Variants in SIN3B observed in about 807,000 individuals in gnomAD.
SIN3B encodes the protein SIN3 transcription regulator family member B.
SIN3B carries 19 observed loss-of-function variants against 120.2 expected under a neutral mutation model. That is an observed-to-expected ratio of 0.16 (90% CI 0.11 to 0.23). SIN3B has a LOEUF of 0.23. Ranked by LOEUF, SIN3B falls within the 10% of genes least tolerant of loss-of-function variation. The pLI, the probability that SIN3B is intolerant of heterozygous loss-of-function variation, is 1.00. For synonymous variants in SIN3B, 654 were observed against 653.2 expected (o/e 1.00, Z -0.02); for missense variants, 1,073 against 1,573.0 (o/e 0.68, Z 5.38).
At position 16,876,510 on chromosome 19, in the gene SIN3B, C is replaced by T; in HGVS notation, c.2791C>T (p.Gln931Ter). The change falls in exon 16 of 19, where the codon CAG becomes TAG. Residue 931 changes from glutamine (Q) to a stop codon, truncating the protein, a stop_gained. Coordinates refer to ENST00000248054, the MANE Select transcript of SIN3B (RefSeq NM_001297595.2). LOFTEE classifies it high-confidence loss of function. This position sits in a 1 kb window ranked among gnomAD's most constrained non-coding sequence, Gnocchi z 7.1. ...GGTGATGTTCCTGCAGCGCAAAGGG[C>T]AGGTGATCATGACCATCGAGCTCCT... is the stretch of plus-strand genomic sequence containing the variant. ...FKVMFLQRKG[Q>*]VIMTIELLDT... The T allele has an allele frequency of 6.2e-7, 1 of 1,613,404 alleles. No individual in the cohort carries two copies. The highest frequency in any genetic ancestry group is 8.5e-7 in the Non-Finnish European group (1 of 1,179,902).
In SIN3B at chr19:16,853,130, C is replaced by T. The variant is rs1971566922; in HGVS notation, c.911C>T (p.Thr304Ile). 1 of 1,614,074 alleles carries T rather than the reference C, an allele frequency of 6.2e-7. No individual in the cohort carries two copies. The highest frequency in any genetic ancestry group is 1.3e-5 in the African/African-American group (1 of 74,944). The change falls in exon 7 of 19, where the codon ACT (threonine) becomes ATT (isoleucine). Residue 304 changes from threonine to isoleucine, a missense_variant. Thr to Ile is a moderately conservative substitution (Grantham distance 89). Transcript: ENST00000248054. ...LSIAAVGKYG[T>I]LQEFSFFDKV... ...ATCGCTGCAGTGGGGAAGTACGGGA[C>T]TCTGCAGGAATTTTCTTTCTTTGAC...
rs753556243 is a variant in SIN3B, at chr19:16,876,280, C to T, written c.2766+52C>T. The T allele has an allele frequency of 1.3e-6, 2 of 1,566,230 alleles. No homozygotes were observed. The highest frequency in any genetic ancestry group is 8.7e-7 in the Non-Finnish European group (1 of 1,152,086). ...ACGCCGGGAGGCCCGGCCGCTCACT[C>T]CGCTCTGGACTCAGTCCTGGGTGGA... On this transcript the variant is annotated intron_variant, in intron 15 of 18. Transcript: ENST00000248054. The surrounding 1 kb of genome is among the most constrained non-coding windows in gnomAD (Gnocchi z 7.1).
chr19:16,867,235 G>A (rs776845776), intron 12 of SIN3B, among the ~76,000 whole-genome samples: 12 of 152,152 alleles, frequency 7.9e-5, no homozygotes, highest in Admixed American at 5.9e-4. Flanking sequence ...ACTCTGCTGC[G>A]GCATTATTCT....
intron 3 of SIN3B, among the ~76,000 whole-genome samples, chr19:16,836,392 C>T (rs1304068733): frequency 6.6e-6 from 1 of 152,150 alleles, no homozygotes; most frequent in African/African-American, 2.4e-5. Flanking sequence ...CCTTGGCCTC[C>T]TGAGTCAGCA....
chr19:16,842,323 G>C (rs1250404015), intron 4 of SIN3B, among the ~76,000 whole-genome samples: 1 of 151,296 alleles, frequency 6.6e-6, no homozygotes, highest in Non-Finnish European at 1.5e-5. Context: ...GGCTGGTCTT[G>C]AACTCCTGAA....
intron 14 of SIN3B, 39 bp downstream of exon 14, chr19:16,871,437 G>A (rs771365509): frequency 3.2e-6 from 5 of 1,555,224 alleles, no homozygotes; most frequent in East Asian, 4.5e-5. Flanking sequence ...TGAGGACGGC[G>A]GAAATGGCTC....
intron 5 of SIN3B, among the ~76,000 whole-genome samples, chr19:16,850,103 A>G (rs910709139): frequency 1.3e-5 from 2 of 152,056 alleles, no homozygotes; most frequent in African/African-American, 4.8e-5. Context: ...AGTTTTGGTA[A>G]TTATTCCCCC....
rs370022772 is a variant in SIN3B at position 16,854,279 on chromosome 19, C to T, written c.1058+18C>T. 1 of 1,557,196 alleles carries T rather than the reference C, an allele frequency of 6.4e-7. No individual in the cohort carries two copies. Among genetic ancestry groups the T allele is most frequent in the Non-Finnish European group, 8.8e-7 (1 of 1,133,806 alleles). Reference sequence around the variant, plus strand: ...TTTCTGGGGTGAGCAGCTGACTTCCCAGGGCTCCCTAGGGGGGTTCTGTTC... The same window carrying T: ...TTTCTGGGGTGAGCAGCTGACTTCCTAGGGCTCCCTAGGGGGGTTCTGTTC... On this transcript the variant is annotated intron_variant, in intron 8 of 18. Transcript: ENST00000248054.
At chr19:16,849,159 A>G (rs573779517) in intron 5 of SIN3B, among the ~76,000 whole-genome samples, 1 of 152,344 alleles carries the variant, frequency 6.6e-6, no homozygotes, top group East Asian at 1.9e-4. Flanking sequence ...TAACTTTTGG[A>G]CATATATTAA....
chr19:16,878,519 G>C lies in SIN3B; in HGVS notation c.3185G>C (p.Arg1062Pro). Residue 1062 changes from arginine (R) to proline (P), a missense_variant, in exon 19 of 19, where the codon CGC (arginine) becomes CCC (proline). This residue lies in a region of SIN3B where 311 missense variants were observed against 400.3 expected (regional missense o/e 0.78). Transcript: ENST00000248054. ...CAGGTGCAGCCCCTGGTCCTGCTCC[G>C]CCACCACCAGCACTTTGAGGAGTGG... ...AKQVQPLVLLRHHQHFEEWHS... is the reference protein window; with the variant it reads ...AKQVQPLVLLPHHQHFEEWHS... 6.3e-7 allele frequency: 1 copy of C among 1,583,304 alleles called. No homozygotes were observed. Among genetic ancestry groups the C allele is most frequent in the Non-Finnish European group, 8.6e-7 (1 of 1,165,296 alleles).
chr19:16,851,776 G>GC (rs1971549478), intron 6 of SIN3B, among the ~76,000 whole-genome samples: 1 of 152,200 alleles, frequency 6.6e-6, no homozygotes, highest in African/African-American at 2.4e-5. Flanking sequence ...TGTTAACCCT[G>GC]CCCTAGGTCC....
intron 5 of SIN3B, 104 bp from the exon 6 acceptor site, chr19:16,851,308 A>G: frequency 7.2e-7 from 1 of 1,390,884 alleles, no homozygotes; most frequent in Non-Finnish European, 9.6e-7. Flanking sequence ...CGTGGCCACC[A>G]TTGCCCACCG....
Position 16,878,273 on chromosome 19 carries a change from C to T in SIN3B, c.3045C>T (p.Gly1015=), listed in dbSNP as rs369187125. ...GGAGCTCCTGGAAGCGGCTGGTGGG[C>T]GTGGAGAGCGCCTGCGACGTGGACT... ...EARSSWKRLV[G]VESACDVDCR... is the part of the protein sequence containing the mutation. The change falls in exon 18 of 19, where the codon GGC becomes GGT. Residue 1015 remains glycine (G), a synonymous_variant. Transcript: ENST00000248054. The T allele has an allele frequency of 1.5e-4, 237 of 1,599,820 alleles. No homozygotes were observed. Among genetic ancestry groups the T allele is most frequent in the Non-Finnish European group, 1.9e-4 (220 of 1,174,042 alleles).
At chr19:16,833,973 C>T (rs1036015955) in intron 3 of SIN3B, among the ~76,000 whole-genome samples, 4 of 152,144 alleles carry the variant, frequency 2.6e-5, no homozygotes, top group Admixed American at 1.3e-4. Flanking sequence ...GATTCGCCCA[C>T]CTCTGCCTCC....
Position 16,870,108 on chromosome 19 carries a change from G to C in SIN3B, c.2422+33G>C, listed in dbSNP as rs572723299. The C allele has an allele frequency of 8.5e-5, 130 of 1,522,516 alleles. No individual in the cohort carries two copies. The African/African-American group carries it at 1.3e-3, about 15-fold the overall frequency. 94.3% of individuals were successfully genotyped at this position (1,522,516 alleles called of 1,614,324 possible). ...TCCAAAGCCTGCCGGGAGGCCCCGG[G>C]GGGTGCCTGGGGTTAGGGGTCACAG... is the stretch of plus-strand genomic sequence containing the variant. On this transcript the variant is annotated intron_variant, in intron 13 of 18. Coordinates refer to ENST00000248054, the MANE Select transcript of SIN3B (RefSeq NM_001297595.2).
chr19:16,877,459 T>G (rs112736295), intron 16 of SIN3B, 86 bp from the exon 17 acceptor site: 828 of 963,608 alleles, frequency 8.6e-4, no homozygotes, highest in Middle Eastern at 1.3e-3. Flanking sequence ...AGAACCCCTG[T>G]GAGCTCCTGA....
chr19:16,875,951 C>G lies in SIN3B; in HGVS notation c.2593-104C>G, dbSNP rs556370304. On this transcript the variant is annotated intron_variant, in intron 14 of 18. Coordinates refer to ENST00000248054, the MANE Select transcript of SIN3B (RefSeq NM_001297595.2). ...TCTCTTCATCCCTGTGTCATGCACT[C>G]TCCATCCTGATGTGTTTCTGGCCTT... 5 of 1,350,790 alleles carry G rather than the reference C, an allele frequency of 3.7e-6. No homozygotes were observed. In the South Asian group the frequency reaches 7.1e-5, roughly 19 times the overall value. 83.7% of individuals were successfully genotyped at this position (1,350,790 alleles called of 1,614,324 possible). A position where few individuals can be genotyped will look rare whatever the true frequency, so the allele number is the denominator to read the frequency against.
In SIN3B at chr19:16,878,879, C is replaced by T. The variant is rs537919060; in HGVS notation, c.*152C>T. ...GCACTCCAGGGCAGGACGCCGCCCCCGTGGCTCCCGGTCTCCTGTGGGCCT... is the reference window on the plus strand; with the variant it reads ...GCACTCCAGGGCAGGACGCCGCCCCTGTGGCTCCCGGTCTCCTGTGGGCCT... On this transcript the variant is annotated 3_prime_UTR_variant, in exon 19 of 19. Transcript: ENST00000248054. The T allele has an allele frequency of 1.9e-4, 140 of 719,632 alleles. No homozygotes were observed. In the Middle Eastern group the frequency reaches 2.4e-3, roughly 12 times the overall value. 44.6% of individuals were successfully genotyped at this position (719,632 alleles called of 1,614,324 possible).
At chr19:16,833,417 A>G (rs1971304455) in intron 3 of SIN3B, among the ~76,000 whole-genome samples, 1 of 151,684 alleles carries the variant, frequency 6.6e-6, no homozygotes, top group South Asian at 2.1e-4. Flanking sequence ...GTAGATTACA[A>G]GGTCAGGAGT....
Sources: gnomAD v4.1 joint callset for allele counts (sites outside exome capture counted in the v4.1 genomes callset) on GRCh38, gnomAD v4.1.1 for gene constraint, gnomAD v4.1.1 regional missense constraint, Gnocchi (gnomAD v3.1) non-coding constraint, MANE v1.5 for transcripts, NCBI Gene and HGNC (gene_info 2026-07-23, HGNC 2026-07-21) for gene names.